The following ZNF704 variants were observed in gnomAD, a reference collection of about 807,000 sequenced individuals.
The protein encoded by ZNF704 is glucocorticoid induced gene 1.
In ZNF704, 10 loss-of-function variants were observed where a neutral mutation model predicts 44.7. The ratio of observed to expected loss-of-function variants is 0.22; its 90% CI spans 0.14 to 0.38. The LOEUF (loss-of-function observed/expected upper bound fraction) is 0.38. Ranked by LOEUF, ZNF704 falls within the 10% of genes least tolerant of loss-of-function variation. ZNF704 has a pLI of 1.00. For missense variants in ZNF704, 390 were observed against 545.5 expected, an observed-to-expected ratio of 0.71 and a Z score of 2.84; for synonymous variants, 211 against 207.6, an observed-to-expected ratio of 1.02 and a Z score of -0.14.
chr8:80,853,262 G>C (rs945251296), intron 1 of ZNF704, among the ~76,000 whole-genome samples: 2 of 152,178 alleles, frequency 1.3e-5, no homozygotes, highest in Non-Finnish European at 2.9e-5. Flanking sequence ...CTACCTGGGA[G>C]GTTGAGGTGG....
chr8:80,775,423 A>G (rs796265414), intron 2 of ZNF704, among the ~76,000 whole-genome samples: 16 of 152,350 alleles, frequency 1.1e-4, no homozygotes, highest in African/African-American at 3.8e-4. Context: ...TATTCTTACT[A>G]TATTCACAAT....
intron 2 of ZNF704, among the ~76,000 whole-genome samples, chr8:80,775,367 T>C (rs1037205473): frequency 1.3e-5 from 2 of 152,234 alleles, no homozygotes; most frequent in Admixed American, 1.3e-4. Flanking sequence ...TTTCCACTTA[T>C]AGTTAGATAA....
chr8:80,881,119 G>A, the ZNF704 span, among the ~76,000 whole-genome samples: 1 of 152,190 alleles, frequency 6.6e-6, no homozygotes, highest in South Asian at 2.1e-4. Flanking sequence ...ATTTCAGTGT[G>A]TGCAATGCAG....
At chr8:80,712,588 G>A (rs1819003811) in intron 2 of ZNF704, among the ~76,000 whole-genome samples, 1 of 152,080 alleles carries the variant, frequency 6.6e-6, no homozygotes, top group African/African-American at 2.4e-5. Flanking sequence ...CAGGGCACAG[G>A]AAAATGTTTG....
chr8:80,763,886 A>C (rs1807174949), intron 2 of ZNF704, among the ~76,000 whole-genome samples: 1 of 152,226 alleles, frequency 6.6e-6, no homozygotes, highest in Non-Finnish European at 1.5e-5. Flanking sequence ...TCTCTAGGAC[A>C]GGGGCAAAAT....
intron 2 of ZNF704, among the ~76,000 whole-genome samples, chr8:80,745,605 T>G (rs1806831516): frequency 6.6e-6 from 1 of 152,166 alleles, no homozygotes. Context: ...GAATACTCTA[T>G]AAAATGTACA....
intron 7 of ZNF704, among the ~76,000 whole-genome samples, chr8:80,645,839 CA>C (rs1371679618): frequency 6.6e-6 from 1 of 152,110 alleles, no homozygotes; most frequent in Non-Finnish European, 1.5e-5. Flanking sequence ...TTTTCCCAGA[CA>C]TTAATTTTAA....
intron 4 of ZNF704, 115 bp downstream of exon 4, chr8:80,687,111 T>G: frequency 3.6e-6 from 3 of 822,232 alleles, no homozygotes; most frequent in Non-Finnish European, 5.9e-6. Context: ...GTAAGCTGCT[T>G]CTTTCCACAG....
At chr8:80,807,535 C>T (rs1247972967) in intron 2 of ZNF704, among the ~76,000 whole-genome samples, 1 of 151,596 alleles carries the variant, frequency 6.6e-6, no homozygotes, top group African/African-American at 2.4e-5. Flanking sequence ...TAATTGACCC[C>T]CCCCAAAAAA....
intron 2 of ZNF704, among the ~76,000 whole-genome samples, chr8:80,735,194 G>A (rs1806646612): frequency 6.6e-6 from 1 of 152,198 alleles, no homozygotes; most frequent in Non-Finnish European, 1.5e-5. Flanking sequence ...CTGTCCACAT[G>A]ATGCTTAGTT....
intron 2 of ZNF704, among the ~76,000 whole-genome samples, chr8:80,719,548 G>A (rs373459502): frequency 1.3e-5 from 2 of 152,152 alleles, no homozygotes; most frequent in South Asian, 4.1e-4. Context: ...AAGCTTTAAG[G>A]AGCCAGGACA....
At chr8:80,746,742 T>C (rs116695900) in intron 2 of ZNF704, among the ~76,000 whole-genome samples, 462 of 152,242 alleles carry the variant, frequency 3.0e-3, no homozygotes, top group African/African-American at 0.011. Context: ...TTACGGGCAA[T>C]AGCAAACTCA....
rs1817546864 is a variant in ZNF704, at chr8:80,629,169, T to C, written c.*12197A>G. On this transcript the variant is annotated 3_prime_UTR_variant, in exon 9 of 9. Coordinates refer to ENST00000327835, the MANE Select transcript of ZNF704 (RefSeq NM_001033723.3). ...ATCATTTAAACATTCAACAAATCTA[T>C]GTACAATGTGCCAGAAGCTGGCAAG... is the stretch of plus-strand genomic sequence containing the variant. The C allele has an allele frequency of 6.6e-6, 1 of 152,194 alleles. No individual in the cohort carries two copies. Among genetic ancestry groups the C allele is most frequent in the African/African-American group, 2.4e-5 (1 of 41,440 alleles). The allele number at this position is 152,194 out of a possible 1,614,324, so 9.4% of individuals were successfully genotyped here.
chr8:80,666,976 C>G (rs1818205185), intron 5 of ZNF704, among the ~76,000 whole-genome samples: 1 of 152,048 alleles, frequency 6.6e-6, no homozygotes, highest in Admixed American at 6.6e-5. Context: ...TTAATTAGAT[C>G]CCATTTGTCA....
chr8:80,795,747 T>C (rs1807790349), intron 2 of ZNF704, among the ~76,000 whole-genome samples: 1 of 151,652 alleles, frequency 6.6e-6, no homozygotes, highest in Non-Finnish European at 1.5e-5. Flanking sequence ...AGTATTTCTG[T>C]AGCTAATATA....
intron 4 of ZNF704, among the ~76,000 whole-genome samples, chr8:80,686,945 C>A (rs1818547472): frequency 6.6e-6 from 1 of 152,210 alleles, no homozygotes; most frequent in South Asian, 2.1e-4. Context: ...AATTTTCTAA[C>A]TTACAAATAC....
the ZNF704 span, among the ~76,000 whole-genome samples, chr8:80,879,818 T>C: frequency 2.0e-5 from 3 of 152,306 alleles, no homozygotes; most frequent in South Asian, 6.2e-4. Flanking sequence ...CTACTAATGA[T>C]ATTTTCATAT....
At chr8:80,697,641 T>C (rs1019099019) in intron 2 of ZNF704, among the ~76,000 whole-genome samples, 3 of 152,220 alleles carry the variant, frequency 2.0e-5, no homozygotes, top group Non-Finnish European at 2.9e-5. Flanking sequence ...TGTTTCCTTA[T>C]CTGTAAAAGA....
intron 2 of ZNF704, among the ~76,000 whole-genome samples, chr8:80,740,405 T>C (rs1806737398): frequency 6.6e-6 from 1 of 152,158 alleles, no homozygotes; most frequent in Non-Finnish European, 1.5e-5. Context: ...TCTGCCTCCT[T>C]TCCCTACCAA....
Sources: gnomAD v4.1 joint callset for allele counts (sites outside exome capture counted in the v4.1 genomes callset) on GRCh38, gnomAD v4.1.1 for gene constraint, MANE v1.5 for transcripts, NCBI Gene and HGNC (gene_info 2026-07-23, HGNC 2026-07-21) for gene names.